Variants in TNFRSF19 observed in about 807,000 individuals in gnomAD.
The protein encoded by TNFRSF19 is TNF receptor superfamily member 19, also known as tumor necrosis factor receptor superfamily member 19.
Under a neutral mutation model 46.4 loss-of-function variants are expected in TNFRSF19, and 27 were observed. The observed-to-expected ratio is 0.58, with a 90% CI of 0.43 to 0.80. The LOEUF (loss-of-function observed/expected upper bound fraction) is 0.80, where lower values mean the gene tolerates loss of function less well. Among genes scored for constraint, TNFRSF19 ranks in the 30% least tolerant of loss-of-function variants. TNFRSF19 has a pLI of 0.00. For missense variants in TNFRSF19, 511 were observed against 530.8 expected, an observed-to-expected ratio of 0.96 and a Z score of 0.37; for synonymous variants, 204 against 205.0, an observed-to-expected ratio of 1.00 and a Z score of 0.04.
At position 23,675,076 on chromosome 13, in the gene TNFRSF19, TC is replaced by T. The variant is rs1444040895; in HGVS notation, c.*1697del. ...ATTAATTGACTTTTCCTGTATTACT[TC>T]TTTTTTTAAGTATAAACCAATGATC... On this transcript the variant is annotated 3_prime_UTR_variant, in exon 10 of 10. Coordinates refer to ENST00000248484, the MANE Select transcript of TNFRSF19 (RefSeq NM_148957.4). 4 of 152,200 alleles carry T rather than the reference TC, an allele frequency of 2.6e-5. No individual in the cohort carries two copies. The highest frequency in any genetic ancestry group is 6.5e-5 in the Admixed American group (1 of 15,286). The allele number at this position is 152,200 out of a possible 1,614,324, so 9.4% of individuals were successfully genotyped here. A position where few individuals can be genotyped will look rare whatever the true frequency, so the allele number is the denominator to read the frequency against.
chr13:23,630,805 T>G lies in TNFRSF19; in HGVS notation c.445+4013T>G, dbSNP rs561297426. 2.0e-5 allele frequency among the ~76,000 whole-genome samples: 3 copies of G among 152,372 alleles called. No individual in the cohort carries two copies. The East Asian group carries it at 5.8e-4, about 29-fold the overall frequency. On this transcript the variant is annotated intron_variant, in intron 5 of 9. Coordinates refer to ENST00000248484, the MANE Select transcript of TNFRSF19 (RefSeq NM_148957.4). The stretch of plus-strand genomic sequence containing the variant: ...TTCTTTTAGCAATGTTTACTTAATT[T>G]GGAACAAATACTGTGGTTGGAACAA...
At chr13:23,621,350 G>A (rs1200001082) in intron 4 of TNFRSF19, among the ~76,000 whole-genome samples, 1 of 152,192 alleles carries the variant, frequency 6.6e-6, no homozygotes, top group Non-Finnish European at 1.5e-5. Flanking sequence ...GGCTATTGCT[G>A]TGGATTGCTG....
chr13:23,663,643 C>T (rs1315947871), intron 7 of TNFRSF19, among the ~76,000 whole-genome samples: 1 of 152,018 alleles, frequency 6.6e-6, no homozygotes, highest in East Asian at 1.9e-4. Flanking sequence ...TGGTCCTTGG[C>T]TTTTTTTGGT....
chr13:23,603,296 T>C (rs1489104946), intron 3 of TNFRSF19, among the ~76,000 whole-genome samples: 2 of 152,062 alleles, frequency 1.3e-5, no homozygotes, highest in Non-Finnish European at 2.9e-5. Context: ...CCACAGTCTG[T>C]ATAGGCCTAT....
Position 23,659,912 on chromosome 13 carries a change from G to A in TNFRSF19, c.611-453G>A, listed in dbSNP as rs961202347. On this transcript the variant is annotated intron_variant, in intron 6 of 9. Transcript: ENST00000248484. This position sits in a 1 kb window ranked among gnomAD's most constrained non-coding sequence, Gnocchi z 4.9. ...AAAATAGATTTACTCTTCATTAAGT[G>A]GAAGCGGATCATTGTAAAGGCCTTC... Among the ~76,000 whole-genome samples, 3 of 152,148 alleles carry A rather than the reference G, an allele frequency of 2.0e-5. No individual in the cohort carries two copies. Among genetic ancestry groups the A allele is most frequent in the African/African-American group, 7.2e-5 (3 of 41,428 alleles).
chr13:23,626,969 T>G (rs944097096), intron 5 of TNFRSF19, among the ~76,000 whole-genome samples, 177 bp downstream of exon 5: 1 of 152,208 alleles, frequency 6.6e-6, no homozygotes, highest in African/African-American at 2.4e-5. Flanking sequence ...GTTCTGTGCC[T>G]CAGTCAGCAA....
At chr13:23,632,565 G>A (rs1367931265) in intron 5 of TNFRSF19, among the ~76,000 whole-genome samples, 1 of 152,042 alleles carries the variant, frequency 6.6e-6, no homozygotes, top group African/African-American at 2.4e-5. Flanking sequence ...GAGTTCCTTG[G>A]TTTTCTTTAC....
chr13:23,616,131 A>T (rs1881270483), intron 4 of TNFRSF19, 86 bp downstream of exon 4: 2 of 1,373,090 alleles, frequency 1.5e-6, no homozygotes, highest in Admixed American at 4.8e-5. Flanking sequence ...CTAAACTGGA[A>T]TGCATGCTGG....
chr13:23,670,867 T>G (rs941955830), intron 9 of TNFRSF19, among the ~76,000 whole-genome samples: 1 of 152,250 alleles, frequency 6.6e-6, no homozygotes, highest in Admixed American at 6.5e-5. Context: ...GGAGATCATC[T>G]GAAGAACTAG....
chr13:23,570,970 C>G lies in TNFRSF19; in HGVS notation c.-35+122C>G, dbSNP rs568614576. 3.3e-5 allele frequency: 5 copies of G among 152,260 alleles called. No individual in the cohort carries two copies. The South Asian group carries it at 8.3e-4, about 25-fold the overall frequency. The allele number at this position is 152,260 out of a possible 1,614,324, so 9.4% of individuals were successfully genotyped here. ...TGGTTTTAATTAATTTTTTAGAAAG[C>G]ATTTATACAGCTGAATACTACATGA... On this transcript the variant is annotated intron_variant, in intron 1 of 9. Transcript: ENST00000248484.
chr13:23,641,387 C>A (rs901265482), intron 5 of TNFRSF19, among the ~76,000 whole-genome samples: 6 of 152,224 alleles, frequency 3.9e-5, no homozygotes, highest in Admixed American at 3.3e-4. Context: ...GGCTAAACTG[C>A]AGTGGCACAA....
chr13:23,602,087 G>A (rs1024245885), intron 3 of TNFRSF19, among the ~76,000 whole-genome samples: 15 of 152,048 alleles, frequency 9.9e-5, no homozygotes, highest in Non-Finnish European at 2.2e-4. Flanking sequence ...TATCAGAGCA[G>A]GTCAAAAAAC....
chr13:23,621,366 C>T (rs1490706522), intron 4 of TNFRSF19, among the ~76,000 whole-genome samples: 2 of 152,188 alleles, frequency 1.3e-5, no homozygotes, highest in Non-Finnish European at 2.9e-5. Context: ...TGCTGAGGAA[C>T]ACAAACAGCA....
chr13:23,643,863 T>C (rs748943466), intron 5 of TNFRSF19, among the ~76,000 whole-genome samples: 2 of 152,254 alleles, frequency 1.3e-5, no homozygotes, highest in Non-Finnish European at 2.9e-5. Context: ...AGGGATAGTC[T>C]TTCATCTTTT....
intron 3 of TNFRSF19, among the ~76,000 whole-genome samples, chr13:23,615,023 A>G (rs1016268956): frequency 6.6e-6 from 1 of 152,224 alleles, no homozygotes; most frequent in Non-Finnish European, 1.5e-5. Context: ...TGGTACTTAC[A>G]TGAATGTTTT....
At chr13:23,616,417 G>A (rs1881297100) in intron 4 of TNFRSF19, among the ~76,000 whole-genome samples, 1 of 152,184 alleles carries the variant, frequency 6.6e-6, no homozygotes, top group Admixed American at 6.5e-5. Context: ...ACCCTCATTA[G>A]CATCAGAGGA....
chr13:23,574,061 C>CA (rs67057644), intron 1 of TNFRSF19, among the ~76,000 whole-genome samples: 58,812 of 95,460 alleles, frequency 0.62, 17,273 homozygotes, highest in East Asian at 0.68. Flanking sequence ...GACTCTGTCT[C>CA]AAAAAAAAAA....
intron 1 of TNFRSF19, among the ~76,000 whole-genome samples, chr13:23,586,691 C>T (rs1040456934): frequency 3.3e-5 from 5 of 152,146 alleles, no homozygotes; most frequent in African/African-American, 1.2e-4. Flanking sequence ...AGGACACATC[C>T]GTGTTAGTTA....
intron 1 of TNFRSF19, among the ~76,000 whole-genome samples, chr13:23,581,135 T>C (rs1878393145): frequency 6.6e-6 from 1 of 150,442 alleles, no homozygotes; most frequent in African/African-American, 2.4e-5. Context: ...TTCTTTTCTT[T>C]TTTTTTTTTT....
Sources: gnomAD v4.1 joint callset for allele counts (sites outside exome capture counted in the v4.1 genomes callset) on GRCh38, gnomAD v4.1.1 for gene constraint, Gnocchi (gnomAD v3.1) non-coding constraint, MANE v1.5 for transcripts, NCBI Gene and HGNC (gene_info 2026-07-23, HGNC 2026-07-21) for gene names.